Variants in PSMD14 observed in about 807,000 individuals in gnomAD.
The protein encoded by PSMD14 is proteasome 26S subunit, non-ATPase 14, also known as ubiquitin C-terminal hydrolase PSMD14.
A neutral mutation model predicts 41.2 loss-of-function variants in PSMD14; 7 were observed. The observed-to-expected ratio is 0.17, with a 90% confidence interval of 0.10 to 0.32. PSMD14 has a LOEUF of 0.32. PSMD14 is among the 10% of genes least tolerant of loss of function. The pLI is 1.00. For synonymous variants in PSMD14, 114 were observed against 122.3 expected (o/e 0.93, Z 0.45); for missense variants, 139 against 375.6 (o/e 0.37, Z 5.21).
chr2:161,333,718 A>G (rs1265265212), intron 3 of PSMD14, among the ~76,000 whole-genome samples: 2 of 152,216 alleles, frequency 1.3e-5, no homozygotes, highest in East Asian at 3.9e-4. Context: ...CAATGAGAGA[A>G]AGGTATCAAT....
intron 8 of PSMD14, among the ~76,000 whole-genome samples, chr2:161,388,500 A>G (rs1054776910): frequency 6.6e-6 from 1 of 152,124 alleles, no homozygotes; most frequent in Admixed American, 6.6e-5. Context: ...AAAAAAATTT[A>G]AAGTACAAAG....
At chr2:161,354,312 G>A (rs1683162665) in intron 3 of PSMD14, among the ~76,000 whole-genome samples, 1 of 152,098 alleles carries the variant, frequency 6.6e-6, no homozygotes, top group African/African-American at 2.4e-5. Flanking sequence ...GTGGCACTGT[G>A]TTGGCTTACT....
intron 7 of PSMD14, among the ~76,000 whole-genome samples, chr2:161,379,796 G>A (rs1171519320): frequency 1.3e-5 from 2 of 152,060 alleles, no homozygotes; most frequent in Non-Finnish European, 2.9e-5. Context: ...ACCACAGACT[G>A]CAGCTAGTGC....
chr2:161,339,909 C>T (rs1156647145), intron 3 of PSMD14, among the ~76,000 whole-genome samples: 1 of 152,234 alleles, frequency 6.6e-6, no homozygotes. Context: ...AAACTTACTG[C>T]TTTAAAAAAA....
intron 1 of PSMD14, among the ~76,000 whole-genome samples, chr2:161,314,652 C>G (rs1320351215): frequency 6.6e-6 from 1 of 152,114 alleles, no homozygotes; most frequent in Non-Finnish European, 1.5e-5. Flanking sequence ...AGCTTTTGTG[C>G]CTGGCTTCTT....
At chr2:161,394,542 A>C (rs574166862) in intron 9 of PSMD14, among the ~76,000 whole-genome samples, 14 of 152,252 alleles carry the variant, frequency 9.2e-5, no homozygotes, top group African/African-American at 2.9e-4. Context: ...AAATTTCATT[A>C]ATTCATTCAT....
chr2:161,319,072 C>T (rs1689175218), intron 3 of PSMD14, 199 bp downstream of exon 3: 1 of 407,748 alleles, frequency 2.5e-6, no homozygotes, highest in Non-Finnish European at 4.3e-6. Context: ...TTACTTTTCT[C>T]CTGGGAATAA....
At chr2:161,377,313 A>G (rs1683517191) in intron 7 of PSMD14, among the ~76,000 whole-genome samples, 1 of 151,890 alleles carries the variant, frequency 6.6e-6, no homozygotes. Context: ...TTCCTGACAT[A>G]GCTCTATGAG....
chr2:161,320,216 C>G (rs1689188222), intron 3 of PSMD14, among the ~76,000 whole-genome samples: 1 of 152,072 alleles, frequency 6.6e-6, no homozygotes, highest in African/African-American at 2.4e-5. Flanking sequence ...GAAGATGTTG[C>G]CTTAGAATTC....
At chr2:161,326,309 G>T (rs1682698307) in intron 3 of PSMD14, among the ~76,000 whole-genome samples, 2 of 152,074 alleles carry the variant, frequency 1.3e-5, no homozygotes, top group Non-Finnish European at 2.9e-5. Flanking sequence ...GGGATTATAG[G>T]CAAGAGCCAC....
chr2:161,333,223 A>G (rs1219085977), intron 3 of PSMD14, among the ~76,000 whole-genome samples: 1 of 152,202 alleles, frequency 6.6e-6, no homozygotes, highest in Non-Finnish European at 1.5e-5. Flanking sequence ...CTTATATTTT[A>G]TAGGAAGTTT....
At chr2:161,411,158 ATATAC>A in intron 11 of PSMD14, 139 bp from the exon 12 acceptor site, 1 of 516,022 alleles carries the variant, frequency 1.9e-6, no homozygotes, top group Non-Finnish European at 3.4e-6. Context: ...GAATGTAACA[ATATAC>A]TAGTAAAGTT....
chr2:161,376,095 G>GTA (rs752292329), intron 7 of PSMD14, among the ~76,000 whole-genome samples: 8 of 148,688 alleles, frequency 5.4e-5, no homozygotes, highest in South Asian at 2.1e-4. Flanking sequence ...ATATATCTAT[G>GTA]TATATATATA....
chr2:161,329,682 A>G (rs1006325639), intron 3 of PSMD14, among the ~76,000 whole-genome samples: 5 of 152,162 alleles, frequency 3.3e-5, no homozygotes, highest in African/African-American at 1.2e-4. Flanking sequence ...AACAAAGCAG[A>G]ATTACAAGAT....
intron 3 of PSMD14, among the ~76,000 whole-genome samples, chr2:161,365,124 A>G (rs1683341758): frequency 6.6e-6 from 1 of 152,090 alleles, no homozygotes; most frequent in African/African-American, 2.4e-5. Flanking sequence ...CAAAAATAAA[A>G]CAGCACTCAT....
intron 10 of PSMD14, among the ~76,000 whole-genome samples, chr2:161,397,395 A>G (rs1003716898): frequency 8.5e-5 from 13 of 152,188 alleles, no homozygotes; most frequent in Non-Finnish European, 1.5e-4. Flanking sequence ...TCAAAGAGGA[A>G]TTCAAAGTTT....
At chr2:161,366,117 C>T (rs981485303) in intron 3 of PSMD14, among the ~76,000 whole-genome samples, 1 of 152,070 alleles carries the variant, frequency 6.6e-6, no homozygotes, top group Non-Finnish European at 1.5e-5. Flanking sequence ...GCAGAGTTTT[C>T]ATTCTGAAAG....
chr2:161,400,138 A>G (rs1447128764), intron 10 of PSMD14, among the ~76,000 whole-genome samples: 1 of 152,224 alleles, frequency 6.6e-6, no homozygotes, highest in African/African-American at 2.4e-5. Flanking sequence ...GCTCAAAATA[A>G]CAATGGCTTA....
chr2:161,309,869 A>G (rs1303227700), intron 1 of PSMD14, among the ~76,000 whole-genome samples: 1 of 151,984 alleles, frequency 6.6e-6, no homozygotes, highest in African/African-American at 2.4e-5. Context: ...TGCCATTTTA[A>G]TTTAGGCCGG....
Sources: gnomAD v4.1 joint callset for allele counts (sites outside exome capture counted in the v4.1 genomes callset) on GRCh38, gnomAD v4.1.1 for gene constraint, MANE v1.5 for transcripts, NCBI Gene and HGNC (gene_info 2026-07-23, HGNC 2026-07-21) for gene names.